Variants in DNAH5 observed in about 807,000 individuals in gnomAD.
DNAH5 encodes axonemal beta dynein heavy chain 5.
Under a neutral mutation model 518.2 loss-of-function variants are expected in DNAH5, and 372 were observed. That is an observed-to-expected ratio of 0.72 (90% CI 0.66 to 0.78). The LOEUF is 0.78. Ranked by LOEUF, DNAH5 falls within the 30% of genes least tolerant of loss-of-function variation. The probability of loss-of-function intolerance (pLI) is 0.00; values close to 1 mark genes in which losing one functional copy is unlikely to be tolerated. For missense variants in DNAH5, 5,523 were observed against 5,687.0 expected (o/e 0.97, Z 0.93); for synonymous variants, 2,039 against 2,025.9 (o/e 1.01, Z -0.17).
chr5:13,953,275 G>GTATA (rs148563966), intron 1 of DNAH5, among the ~76,000 whole-genome samples: 3 of 151,142 alleles, frequency 2.0e-5, no homozygotes, highest in East Asian at 3.9e-4. Context: ...AAGTGAATGT[G>GTATA]TATATATATA....
In DNAH5 at chr5:13,870,926, G is replaced by C. The variant is rs769582678; in HGVS notation, c.3675C>G (p.Tyr1225Ter). Residue 1225 changes from tyrosine to a stop codon, truncating the protein, a stop_gained, in exon 24 of 79, where the codon TAC becomes TAG. Transcript: ENST00000265104. LOFTEE classifies it high-confidence loss of function. The stretch of plus-strand genomic sequence containing the variant: ...TAAAAATGTTTTCCATCTCACTCCG[G>C]TATTTTTTGTTACAGTGGCGTCCAA... ...VVIGRHCNKK[Y>*]RSEMENIFML... is the part of the protein sequence containing the mutation. 1.1e-5 allele frequency: 18 copies of C among 1,613,746 alleles called. No individual in the cohort carries two copies. The highest frequency in any genetic ancestry group is 1.5e-5 in the Non-Finnish European group (18 of 1,179,806).
rs146734007 is a variant in DNAH5 at position 13,813,322 on chromosome 5, A to T, written c.7230+1283T>A. ...CTAGTACTCCTTAGCTAGTTGTATA[A>T]AAGTATTTTTCAAAAACCTTTTTGA... On this transcript the variant is annotated intron_variant, in intron 43 of 78. Coordinates refer to ENST00000265104, the MANE Select transcript of DNAH5 (RefSeq NM_001369.3). Among the ~76,000 whole-genome samples the T allele has an allele frequency of 3.0e-3, 464 of 152,284 alleles. 4 individuals carry two copies. Among genetic ancestry groups the T allele is most frequent in the African/African-American group, 0.011 (448 of 41,550 alleles).
chr5:13,747,231 C>T (rs988339648), intron 65 of DNAH5, among the ~76,000 whole-genome samples: 112 of 152,118 alleles, frequency 7.4e-4, no homozygotes, highest in African/African-American at 2.0e-3. Context: ...TCCTTTTTTA[C>T]GGCTGCATAG....
At chr5:13,759,566 T>C (rs1176290316) in intron 60 of DNAH5, among the ~76,000 whole-genome samples, 2 of 152,222 alleles carry the variant, frequency 1.3e-5, no homozygotes, top group African/African-American at 4.8e-5. Context: ...ATCGTGGTGG[T>C]CTTGACATTG....
At chr5:13,922,388 C>A (rs2151995832) in intron 4 of DNAH5, 60 bp from the exon 5 acceptor site, 1 of 1,448,552 alleles carries the variant, frequency 6.9e-7, no homozygotes, top group South Asian at 1.2e-5. Flanking sequence ...AACACAACTA[C>A]TAAGTCATTT....
chr5:13,809,803 T>A (rs1291837899), intron 45 of DNAH5, among the ~76,000 whole-genome samples: 1 of 152,208 alleles, frequency 6.6e-6, no homozygotes, highest in Non-Finnish European at 1.5e-5. Context: ...GGATCTGATT[T>A]GGTTTTTTAA....
At chr5:13,800,543 A>G (rs16902771) in intron 47 of DNAH5, among the ~76,000 whole-genome samples, 32,775 of 151,916 alleles carry the variant, frequency 0.22, 3,742 homozygotes, top group East Asian at 0.54. Flanking sequence ...ATCTCTTCCT[A>G]CCTAAACAAC....
intron 1 of DNAH5, among the ~76,000 whole-genome samples, chr5:13,985,925 C>A (rs998326604): frequency 6.6e-6 from 1 of 152,194 alleles, no homozygotes; most frequent in Non-Finnish European, 1.5e-5. Flanking sequence ...CTGCTCCATT[C>A]GGGATTTTTT....
At chr5:13,912,176 C>T (rs564069744) in intron 11 of DNAH5, among the ~76,000 whole-genome samples, 1 of 152,166 alleles carries the variant, frequency 6.6e-6, no homozygotes, top group Non-Finnish European at 1.5e-5. Flanking sequence ...AGGTACTAAG[C>T]CATTCTCAAA....
chr5:14,010,774 A>G (rs1785061435), intron 1 of DNAH5, among the ~76,000 whole-genome samples: 1 of 152,224 alleles, frequency 6.6e-6, no homozygotes, highest in Non-Finnish European at 1.5e-5. Flanking sequence ...AAAACGCTGA[A>G]GTATTATTTG....
intron 53 of DNAH5, among the ~76,000 whole-genome samples, chr5:13,780,556 A>G (rs1754943878): frequency 6.6e-6 from 1 of 152,250 alleles, no homozygotes; most frequent in South Asian, 2.1e-4. Flanking sequence ...GAAATTCACC[A>G]AAAGTAGTGC....
chr5:13,882,141 G>A (rs933961643), intron 21 of DNAH5, among the ~76,000 whole-genome samples: 1 of 151,864 alleles, frequency 6.6e-6, no homozygotes, highest in Admixed American at 6.6e-5. Flanking sequence ...CAGACCTATA[G>A]TAAGAAAGAA....
rs1482524424 is a variant in DNAH5 at position 13,891,116 on chromosome 5, G to A, written c.2437C>T (p.Leu813=). ...LENTFAKIKD[L]ELLLDRVNDL... Reference sequence around the variant, plus strand: ...TTGACCCTGTCAAGCAGCAACTCCAGGTCCTCTTTGGGAAAAAATAAAAGT... The same window carrying A: ...TTGACCCTGTCAAGCAGCAACTCCAAGTCCTCTTTGGGAAAAAATAAAAGT... The change falls in exon 17 of 79, where the codon CTG becomes TTG. Residue 813 remains leucine, a synonymous_variant. Coordinates refer to ENST00000265104, the MANE Select transcript of DNAH5 (RefSeq NM_001369.3). The A allele has an allele frequency of 6.2e-7, 1 of 1,613,902 alleles. No homozygotes were observed. The highest frequency in any genetic ancestry group is 8.5e-7 in the Non-Finnish European group (1 of 1,180,000).
chr5:13,727,413 A>C, intron 70 of DNAH5, 94 bp downstream of exon 70: 1 of 1,242,902 alleles, frequency 8.0e-7, no homozygotes, highest in Non-Finnish European at 1.1e-6. Context: ...GAAAATTCTC[A>C]CTGGAATTCA....
intron 52 of DNAH5, among the ~76,000 whole-genome samples, chr5:13,784,617 C>T (rs1363985813): frequency 6.6e-6 from 1 of 152,168 alleles, no homozygotes; most frequent in African/African-American, 2.4e-5. Flanking sequence ...CTAAAACCCC[C>T]TCCGTTTGTA....
At position 13,893,451 on chromosome 5, in the gene DNAH5, T is replaced by C. The variant is rs79257793; in HGVS notation, c.2431+1199A>G. Reference sequence around the variant, plus strand: ...TATGGATGTCTCCTACACACCCAGCTGAGAATAACACAAAAGAAGTATAAA... The same window carrying C: ...TATGGATGTCTCCTACACACCCAGCCGAGAATAACACAAAAGAAGTATAAA... On this transcript the variant is annotated intron_variant, in intron 16 of 78. Coordinates refer to ENST00000265104, the MANE Select transcript of DNAH5 (RefSeq NM_001369.3). 1.1e-3 allele frequency among the ~76,000 whole-genome samples: 164 copies of C among 152,308 alleles called. 1 individual carries two copies. The highest frequency in any genetic ancestry group is 3.7e-3 in the African/African-American group (154 of 41,564).
intron 35 of DNAH5, among the ~76,000 whole-genome samples, chr5:13,838,998 G>T (rs200736445): frequency 7.2e-6 from 1 of 138,234 alleles, no homozygotes; most frequent in Non-Finnish European, 1.6e-5. Flanking sequence ...AAAAAAAAAA[G>T]AAAATCTTAA....
At chr5:13,937,407 T>G (rs1445818) in intron 1 of DNAH5, among the ~76,000 whole-genome samples, 59,476 of 149,862 alleles carry the variant, frequency 0.4, 13,099 homozygotes, top group East Asian at 0.69. Flanking sequence ...CAGCTGGGAT[T>G]AATGTATTCA....
At chr5:13,969,207 T>C (rs1223920754) in intron 1 of DNAH5, among the ~76,000 whole-genome samples, 1 of 152,218 alleles carries the variant, frequency 6.6e-6, no homozygotes, top group Non-Finnish European at 1.5e-5. Flanking sequence ...ATCTTCTCTC[T>C]TCTCTTCTTA....
Sources: gnomAD v4.1 joint callset for allele counts (sites outside exome capture counted in the v4.1 genomes callset) on GRCh38, gnomAD v4.1.1 for gene constraint, MANE v1.5 for transcripts, NCBI Gene and HGNC (gene_info 2026-07-23, HGNC 2026-07-21) for gene names.